Variants in MYO9B observed in about 807,000 individuals in gnomAD.
The protein encoded by MYO9B is myosin IXB, also known as unconventional myosin-IXb.
In MYO9B, 71 loss-of-function variants were observed where a neutral mutation model predicts 229.5. That is an observed-to-expected ratio of 0.31 (90% CI 0.26 to 0.38). The LOEUF is 0.38. Ranked by LOEUF, MYO9B falls within the 10% of genes least tolerant of loss-of-function variation. The pLI is 1.00. For synonymous variants in MYO9B, 1,185 were observed against 1,235.8 expected, an observed-to-expected ratio of 0.96 and a Z score of 0.86; for missense variants, 2,255 against 2,920.5, an observed-to-expected ratio of 0.77 and a Z score of 5.25.
rs1380304785 is a variant in MYO9B at position 17,133,885 on chromosome 19, C to T, written c.841-11512C>T. The stretch of plus-strand genomic sequence containing the variant: ...ACACCATTCTCCTGCCTCAGCCTCC[C>T]GAGTAGCTGAGACTATAGGCACCCG... On this transcript the variant is annotated intron_variant, in intron 2 of 39. Coordinates refer to ENST00000682292, the MANE Select transcript of MYO9B (RefSeq NM_004145.4). Among the ~76,000 whole-genome samples the T allele has an allele frequency of 5.3e-5, 8 of 152,150 alleles. No homozygotes were observed. In the East Asian group the frequency reaches 5.8e-4, roughly 11 times the overall value.
chr19:17,204,624 G>A (rs1419911498), intron 30 of MYO9B, among the ~76,000 whole-genome samples: 1 of 150,108 alleles, frequency 6.7e-6, no homozygotes, highest in Non-Finnish European at 1.5e-5. Context: ...CGGGAGGGTC[G>A]CTTGAACTCA....
intron 14 of MYO9B, 67 bp downstream of exon 14, chr19:17,175,808 T>C: frequency 8.9e-7 from 1 of 1,119,090 alleles, no homozygotes; most frequent in South Asian, 1.5e-5. Flanking sequence ...TCAAACAACT[T>C]AGGGAATGCT....
chr19:17,166,341 C>A (rs1449973351), intron 10 of MYO9B, among the ~76,000 whole-genome samples: 1 of 152,186 alleles, frequency 6.6e-6, no homozygotes, highest in Non-Finnish European at 1.5e-5. Context: ...CCACGCCCAG[C>A]CCTTGTGTGA....
At position 17,172,588 on chromosome 19, in the gene MYO9B, C is replaced by G; in HGVS notation, c.1935+111C>G. The G allele has an allele frequency of 6.7e-7, 1 of 1,489,128 alleles. No homozygotes were observed. The highest frequency in any genetic ancestry group is 9.1e-7 in the Non-Finnish European group (1 of 1,100,278). The allele number at this position is 1,489,128 out of a possible 1,614,324, so 92.2% of individuals were successfully genotyped here. A position where few individuals can be genotyped will look rare whatever the true frequency, so the allele number is the denominator to read the frequency against. ...GCGAGGTTCCAGGGTGCTCAGAACC[C>G]ACCGCGAATCCCCGGCTCCAATGTC... On this transcript the variant is annotated intron_variant, in intron 12 of 39. Coordinates refer to ENST00000682292, the MANE Select transcript of MYO9B (RefSeq NM_004145.4). This position sits in a 1 kb window ranked among gnomAD's most constrained non-coding sequence, Gnocchi z 8.2.
chr19:17,078,948 C>T (rs573191482), intron 1 of MYO9B, among the ~76,000 whole-genome samples: 16 of 152,308 alleles, frequency 1.1e-4, no homozygotes, highest in Admixed American at 7.8e-4. Context: ...ACTGGGGAAA[C>T]CCAAATCTCC....
chr19:17,083,184 C>T (rs549764229), intron 1 of MYO9B, among the ~76,000 whole-genome samples: 1 of 152,122 alleles, frequency 6.6e-6, no homozygotes, highest in East Asian at 1.9e-4. Context: ...TACAGGCTGT[C>T]ACCACCACGC....
chr19:17,147,434 C>G (rs188484870), intron 3 of MYO9B, among the ~76,000 whole-genome samples: 123 of 151,258 alleles, frequency 8.1e-4, no homozygotes, highest in Non-Finnish European at 1.5e-3. Context: ...ATCCCAGCTA[C>G]TCAGGAGGCT....
chr19:17,164,484 G>A (rs1024638726), intron 10 of MYO9B, among the ~76,000 whole-genome samples: 13 of 151,724 alleles, frequency 8.6e-5, no homozygotes, highest in African/African-American at 1.7e-4. Flanking sequence ...TGGTTCAAGC[G>A]ATTCTCTTGC....
At chr19:17,203,576 G>A (rs2073130237) in intron 30 of MYO9B, among the ~76,000 whole-genome samples, 1 of 147,984 alleles carries the variant, frequency 6.8e-6, no homozygotes, top group South Asian at 2.1e-4. Context: ...TCGCGCCACT[G>A]CACCCTAACC....
At chr19:17,096,703 T>G (rs377635022) in intron 1 of MYO9B, among the ~76,000 whole-genome samples, 9 of 53,208 alleles carry the variant, frequency 1.7e-4, no homozygotes, top group African/African-American at 3.2e-4. Flanking sequence ...GTTGTTGTTG[T>G]TGGTTTTTTT....
At chr19:17,141,351 T>C (rs2072337157) in intron 2 of MYO9B, among the ~76,000 whole-genome samples, 1 of 152,114 alleles carries the variant, frequency 6.6e-6, no homozygotes, top group African/African-American at 2.4e-5. Context: ...TGGCCCAGCC[T>C]CTCAAATGGG....
intron 38 of MYO9B, 134 bp downstream of exon 38, chr19:17,210,982 T>TA: frequency 1.2e-6 from 1 of 832,834 alleles, no homozygotes; most frequent in Non-Finnish European, 1.8e-6. Context: ...CAACACTTTT[T>TA]TTTTTTTTTT....
chr19:17,209,676 C>G lies in MYO9B; in HGVS notation c.5715C>G (p.Ala1905=), dbSNP rs974308547. ...AACTGGAGGCTGCAGAGAGTATCGCCTTCCGCAGGCTTTCGCTCCTGCGAC... is the reference window on the plus strand; with the variant it reads ...AACTGGAGGCTGCAGAGAGTATCGCGTTCCGCAGGCTTTCGCTCCTGCGAC... The part of the protein sequence containing the change: ...ISQLEAAESI[A]FRRLSLLRQN... The change falls in exon 36 of 40, where the codon GCC becomes GCG. Residue 1905 remains alanine, a synonymous_variant. Transcript: ENST00000682292. 6.2e-7 allele frequency: 1 copy of G among 1,613,284 alleles called. No homozygotes were observed. Among genetic ancestry groups the G allele is most frequent in the Non-Finnish European group, 8.5e-7 (1 of 1,179,662 alleles).
chr19:17,160,156 C>A (rs1051722084), intron 8 of MYO9B, among the ~76,000 whole-genome samples: 3 of 152,166 alleles, frequency 2.0e-5, no homozygotes, highest in African/African-American at 7.2e-5. Context: ...TACCTAATCA[C>A]GGCAGGGATT....
In MYO9B at chr19:17,207,216, A is replaced by C; in HGVS notation, c.5596A>C (p.Ser1866Arg). The C allele has an allele frequency of 1.9e-6, 3 of 1,599,800 alleles. No homozygotes were observed. Among genetic ancestry groups the C allele is most frequent in the Non-Finnish European group, 2.6e-6 (3 of 1,174,374 alleles). ...CCCTGACAACTCGGACCCGCTGACC[A>C]GCATGAAGGACGTCCTCAAGATCAC... ...RCPDNSDPLT[S>R]MKDVLKITTC... Residue 1866 changes from serine (S) to arginine (R), a missense_variant, in exon 35 of 40, where the codon AGC becomes CGC. This residue lies in a region of MYO9B where 416 missense variants were observed against 605.5 expected (regional missense o/e 0.69). Transcript: ENST00000682292.
At chr19:17,150,575 CAT>C (rs2072466584) in intron 3 of MYO9B, among the ~76,000 whole-genome samples, 8 of 98,850 alleles carry the variant, frequency 8.1e-5, no homozygotes, top group Admixed American at 2.1e-4. Flanking sequence ...AGTGAGCTCA[CAT>C]GTCTGGTGAT....
chr19:17,186,611 CA>C (rs1214515102), intron 18 of MYO9B, among the ~76,000 whole-genome samples: 1 of 152,128 alleles, frequency 6.6e-6, no homozygotes, highest in African/African-American at 2.4e-5. Flanking sequence ...GCTGTGCCAG[CA>C]GATGATTCTC....
rs778014614 is a variant in MYO9B at position 17,153,978 on chromosome 19, T to C, written c.1010T>C (p.Val337Ala). The change falls in exon 5 of 40, where the codon GTG becomes GCG. Residue 337 changes from valine (V) to alanine (A), a missense_variant. Coordinates refer to ENST00000682292, the MANE Select transcript of MYO9B (RefSeq NM_004145.4). ...SQEKDERNYH[V>A]FYYLLLGVSE... ...ATTTTGACCTGTAGGAACTACCATG[T>C]GTTTTATTATTTGTTACTTGGGGTC... 1 of 1,613,764 alleles carries C rather than the reference T, an allele frequency of 6.2e-7. No homozygotes were observed. The highest frequency in any genetic ancestry group is 1.1e-5 in the South Asian group (1 of 91,086).
At chr19:17,163,873 C>T (rs763174196) in intron 10 of MYO9B, among the ~76,000 whole-genome samples, 89 of 152,176 alleles carry the variant, frequency 5.8e-4, no homozygotes, top group Non-Finnish European at 8.2e-4. Flanking sequence ...GCTTATCCAT[C>T]CATCCTTCAG....
Sources: allele counts gnomAD v4.1 joint callset (sites outside exome capture counted in the v4.1 genomes callset), GRCh38; gene constraint gnomAD v4.1.1; regional missense constraint gnomAD v4.1.1; non-coding constraint Gnocchi (gnomAD v3.1); transcripts MANE v1.5; gene names NCBI Gene and HGNC (gene_info 2026-07-23, HGNC 2026-07-21).